The following GPR141 variants were observed in gnomAD, a reference collection of about 807,000 sequenced individuals.
The protein encoded by GPR141 is G protein-coupled receptor 141.
In GPR141, 6 loss-of-function variants were observed where a neutral mutation model predicts 6.8. The observed-to-expected ratio is 0.88, with a 90% confidence interval of 0.48 to 1.74. GPR141 has a LOEUF of 1.74. Ranked by LOEUF, GPR141 falls within the 40% of genes most tolerant of loss-of-function variation. GPR141 has a pLI of 0.01. For missense variants in GPR141, 372 were observed against 372.9 expected, an observed-to-expected ratio of 1.00 and a Z score of 0.02; for synonymous variants, 140 against 142.3, an observed-to-expected ratio of 0.98 and a Z score of 0.11.
At position 37,741,472 on chromosome 7, in the gene GPR141, G is replaced by T; in HGVS notation, c.*161G>T. ...AAGAGCCCTCATTGTAGTCCTTATG[G>T]GATCCCTCCCATCTCTGAGTGATGG... On this transcript the variant is annotated 3_prime_UTR_variant, in exon 3 of 3. Transcript: ENST00000334425. 2 of 578,324 alleles carry T rather than the reference G, an allele frequency of 3.5e-6. No individual in the cohort carries two copies. Among genetic ancestry groups the T allele is most frequent in the Non-Finnish European group, 6.0e-6 (2 of 332,786 alleles). The allele number at this position is 578,324 out of a possible 1,614,324, so 35.8% of individuals were successfully genotyped here. A position where few individuals can be genotyped will look rare whatever the true frequency, so the allele number is the denominator to read the frequency against.
At chr7:37,732,035 A>T (rs55938698) in intron 2 of GPR141, among the ~76,000 whole-genome samples, 2 of 53,892 alleles carry the variant, frequency 3.7e-5, no homozygotes, top group East Asian at 9.3e-4. Context: ...TGTTTTTTTT[A>T]TTTTTATTTA....
intron 1 of GPR141, 88 bp from the exon 2 acceptor site, chr7:37,685,372 G>A (rs2717928): frequency 0.095 from 12,545 of 132,094 alleles, 581 homozygotes; most frequent in African/African-American, 0.13. Context: ...CTTCCTGCCT[G>A]CCTGCCTGCC....
intron 2 of GPR141, among the ~76,000 whole-genome samples, chr7:37,735,298 G>T (rs1466938067): frequency 3.9e-5 from 6 of 152,222 alleles, no homozygotes; most frequent in African/African-American, 1.2e-4. Context: ...TCAGAGCTGA[G>T]AATCCAAATT....
intron 2 of GPR141, among the ~76,000 whole-genome samples, chr7:37,691,425 TAA>T (rs1809762353): frequency 6.6e-6 from 1 of 151,974 alleles, no homozygotes; most frequent in South Asian, 2.1e-4. Context: ...GTGGAGAATT[TAA>T]TCCATTTACA....
chr7:37,696,777 A>C (rs1005344235), intron 2 of GPR141, among the ~76,000 whole-genome samples: 1 of 152,280 alleles, frequency 6.6e-6, no homozygotes, highest in Middle Eastern at 3.4e-3. Context: ...CATGAGATGC[A>C]ATAATGTTTT....
At position 37,683,834 on chromosome 7, in the gene GPR141, A is replaced by G. The variant is rs1809379531; in HGVS notation, c.-208A>G. ...GACCCAGCTGCCCTGCTGTTGAAAC[A>G]GAATCCTATTTGGAAGGCAGACATG... is the stretch of plus-strand genomic sequence containing the variant. On this transcript the variant is annotated 5_prime_UTR_variant, in exon 1 of 3. Transcript: ENST00000334425. 6.6e-6 allele frequency: 1 copy of G among 152,248 alleles called. No individual in the cohort carries two copies. The allele number at this position is 152,248 out of a possible 1,614,324, so 9.4% of individuals were successfully genotyped here.
At chr7:37,727,721 C>T (rs1811702878) in intron 2 of GPR141, among the ~76,000 whole-genome samples, 1 of 152,188 alleles carries the variant, frequency 6.6e-6, no homozygotes, top group Non-Finnish European at 1.5e-5. Flanking sequence ...GCAAGCTCTC[C>T]TAGGTGGGTG....
intron 2 of GPR141, among the ~76,000 whole-genome samples, chr7:37,686,179 T>TG (rs1809504118): frequency 1.3e-5 from 2 of 150,488 alleles, no homozygotes; most frequent in Non-Finnish European, 3.0e-5. Flanking sequence ...TTTTTTTTTT[T>TG]TCTTTAGAGA....
intron 2 of GPR141, among the ~76,000 whole-genome samples, chr7:37,719,875 GC>G (rs1811233771): frequency 6.6e-6 from 1 of 152,144 alleles, no homozygotes; most frequent in Admixed American, 6.5e-5. Flanking sequence ...GTGAGGAGGA[GC>G]TTGAATCCTT....
chr7:37,721,185 G>A (rs1185439250), intron 2 of GPR141, among the ~76,000 whole-genome samples: 1 of 148,730 alleles, frequency 6.7e-6, no homozygotes, highest in Non-Finnish European at 1.5e-5. Context: ...CCAATTTCAG[G>A]GCTGTCATTT....
Position 37,741,322 on chromosome 7 carries a change from C to T in GPR141, c.*11C>T. On this transcript the variant is annotated 3_prime_UTR_variant, in exon 3 of 3. Transcript: ENST00000334425. ...GTTTTGTGCCGTTAGCCACAAACTA[C>T]AGTATTCATATTTGCTTCCTTTATA... The T allele has an allele frequency of 6.5e-7, 1 of 1,549,974 alleles. No homozygotes were observed. Among genetic ancestry groups the T allele is most frequent in the Non-Finnish European group, 8.7e-7 (1 of 1,144,230 alleles).
At chr7:37,726,854 A>G (rs1811657847) in intron 2 of GPR141, among the ~76,000 whole-genome samples, 1 of 152,248 alleles carries the variant, frequency 6.6e-6, no homozygotes, top group South Asian at 2.1e-4. Flanking sequence ...AATCTGGCCC[A>G]TGGACTCTAT....
intron 2 of GPR141, among the ~76,000 whole-genome samples, chr7:37,715,193 G>A (rs529180012): frequency 7.2e-5 from 11 of 152,128 alleles, no homozygotes; most frequent in Middle Eastern, 3.4e-3. Context: ...TGATCACAGC[G>A]CACTGCAGCC....
intron 2 of GPR141, among the ~76,000 whole-genome samples, chr7:37,733,671 CAAAAA>C (rs55943222): frequency 9.9e-6 from 1 of 101,308 alleles, no homozygotes; most frequent in Admixed American, 1.0e-4. Context: ...AACTCCATCT[CAAAAA>C]AAAAAAAAAA....
At chr7:37,718,400 T>C (rs914974403) in intron 2 of GPR141, among the ~76,000 whole-genome samples, 9 of 151,976 alleles carry the variant, frequency 5.9e-5, no homozygotes, top group African/African-American at 9.7e-5. Context: ...CTAGCTACTC[T>C]AGCTACTTGA....
chr7:37,732,463 A>G (rs1249193727), intron 2 of GPR141, among the ~76,000 whole-genome samples: 1 of 152,120 alleles, frequency 6.6e-6, no homozygotes, highest in Non-Finnish European at 1.5e-5. Flanking sequence ...AGATGTTGCA[A>G]TTTGATGCAG....
rs1026244188 is a variant in GPR141, at chr7:37,742,555, A to G, written c.*1244A>G. Among the ~76,000 whole-genome samples the G allele has an allele frequency of 2.0e-5, 3 of 152,118 alleles. No individual in the cohort carries two copies. The highest frequency in any genetic ancestry group is 4.8e-5 in the African/African-American group (2 of 41,412). The stretch of plus-strand genomic sequence containing the variant: ...ATGATGGTTTCCAGGTTAAAATTAT[A>G]TATTTTTAAATAAATGAAAACTGTG... On this transcript the variant is annotated 3_prime_UTR_variant, in exon 3 of 3. Coordinates refer to ENST00000334425, the MANE Select transcript of GPR141 (RefSeq NM_001381946.1).
Position 37,688,473 on chromosome 7 carries a change from A to G in GPR141, c.-15+2890A>G, listed in dbSNP as rs144020541. 5.6e-4 allele frequency among the ~76,000 whole-genome samples: 86 copies of G among 152,300 alleles called. 2 individuals are homozygous for G. The highest frequency in any genetic ancestry group is 3.4e-3 in the Middle Eastern group (1 of 294). On this transcript the variant is annotated intron_variant, in intron 2 of 2. Coordinates refer to ENST00000334425, the MANE Select transcript of GPR141 (RefSeq NM_001381946.1). ...AAATAAATAAATAAAATTACAATGT[A>G]GTAAAAAGAGATATAAAACTGACAG...
chr7:37,713,562 T>C (rs1583548766), intron 2 of GPR141: 1 of 152,268 alleles, frequency 6.6e-6, no homozygotes, highest in Non-Finnish European at 1.5e-5. Flanking sequence ...TGTGTATAGA[T>C]TCTTCTAATT....
Sources: allele counts gnomAD v4.1 joint callset (sites outside exome capture counted in the v4.1 genomes callset), GRCh38; gene constraint gnomAD v4.1.1; transcripts MANE v1.5; gene names NCBI Gene and HGNC (gene_info 2026-07-23, HGNC 2026-07-21).